Variants in AIFM2 observed in about 807,000 individuals in gnomAD.
AIFM2 encodes the protein AIF family member 2, ferroptosis suppressor.
AIFM2 carries 38 observed loss-of-function variants against 35.7 expected under a neutral mutation model. The observed-to-expected ratio is 1.06, with a 90% CI of 0.82 to 1.39. AIFM2 has a LOEUF of 1.39. Among genes scored for constraint, AIFM2 ranks in the 40% most tolerant of loss-of-function variants. The pLI is 0.00. For synonymous variants in AIFM2, 185 were observed against 203.5 expected (o/e 0.91, Z 0.77); for missense variants, 476 against 491.2 (o/e 0.97, Z 0.29).
intron 3 of AIFM2, 53 bp from the exon 4 acceptor site, chr10:70,121,264 G>C (rs2072502284): frequency 2.1e-6 from 3 of 1,462,782 alleles, no homozygotes; most frequent in Non-Finnish European, 2.7e-6. Context: ...ATGAGGGTAG[G>C]GCAGGGCAGG....
At chr10:70,123,615 A>G in intron 2 of AIFM2, 95 bp from the exon 3 acceptor site, 1 of 1,163,912 alleles carries the variant, frequency 8.6e-7, no homozygotes, top group Non-Finnish European at 1.3e-6. Context: ...GCAAACCAAC[A>G]GGGGTGCCCT....
intron 5 of AIFM2, among the ~76,000 whole-genome samples, chr10:70,119,960 G>A (rs2072480183): frequency 6.6e-6 from 1 of 152,220 alleles, no homozygotes; most frequent in African/African-American, 2.4e-5. Context: ...CCACCCATGG[G>A]CAGAAGGCAG....
intron 1 of AIFM2, among the ~76,000 whole-genome samples, chr10:70,128,600 T>G (rs2072593943): frequency 6.6e-6 from 1 of 152,220 alleles, no homozygotes; most frequent in South Asian, 2.1e-4. Flanking sequence ...TGACCTCAAG[T>G]GATCGGCCTG....
chr10:70,114,704 C>T (rs968778438), intron 8 of AIFM2: 1 of 590,830 alleles, frequency 1.7e-6, no homozygotes, highest in Non-Finnish European at 2.9e-6. Context: ...GAACTCCCGA[C>T]CTCAGGTGAT....
At chr10:70,115,795 G>A (rs1046266754) in intron 7 of AIFM2, among the ~76,000 whole-genome samples, 13 of 152,118 alleles carry the variant, frequency 8.5e-5, no homozygotes, top group African/African-American at 3.1e-4. Context: ...CAAAACTGAA[G>A]CATTAAAAAT....
chr10:70,120,383 A>G (rs540018087), intron 5 of AIFM2, 124 bp downstream of exon 5: 9 of 977,812 alleles, frequency 9.2e-6, no homozygotes, highest in Admixed American at 1.8e-5. Context: ...ACAGAAATAC[A>G]CACTCCCAGT....
chr10:70,122,847 C>T (rs965775715), intron 3 of AIFM2, among the ~76,000 whole-genome samples: 9 of 152,142 alleles, frequency 5.9e-5, no homozygotes, highest in Non-Finnish European at 4.4e-5. Flanking sequence ...CATAGAGGCA[C>T]GGTAAACATT....
intron 5 of AIFM2, among the ~76,000 whole-genome samples, chr10:70,119,065 G>T (rs752144562): frequency 1.3e-5 from 2 of 152,128 alleles, no homozygotes; most frequent in African/African-American, 2.4e-5. Context: ...CTAAAGTACA[G>T]GGTTCAGAGA....
chr10:70,115,172 G>A, intron 7 of AIFM2, 52 bp from the exon 8 acceptor site: 5 of 1,587,868 alleles, frequency 3.1e-6, no homozygotes, highest in Non-Finnish European at 4.3e-6. Context: ...TGTGTTAAGT[G>A]GCCACCAGGA....
chr10:70,119,802 G>A (rs1278165401), intron 5 of AIFM2, among the ~76,000 whole-genome samples: 1 of 152,232 alleles, frequency 6.6e-6, no homozygotes, highest in South Asian at 2.1e-4. Context: ...CTCTCGCCTA[G>A]AGGACCTGTA....
In AIFM2 at chr10:70,113,952, G is replaced by T; in HGVS notation, c.*226C>A. On this transcript the variant is annotated 3_prime_UTR_variant, in exon 9 of 9. Transcript: ENST00000307864. ...CATGAGCCGCTCACCCAGTACCACAGCAAGCACACCTTCCAAACCCAGAAA... is the reference window on the plus strand; with the variant it reads ...CATGAGCCGCTCACCCAGTACCACATCAAGCACACCTTCCAAACCCAGAAA... 1 of 557,588 alleles carries T rather than the reference G, an allele frequency of 1.8e-6. No individual in the cohort carries two copies. Among genetic ancestry groups the T allele is most frequent in the Non-Finnish European group, 3.0e-6 (1 of 328,170 alleles). 34.5% of individuals were successfully genotyped at this position (557,588 alleles called of 1,614,324 possible).
chr10:70,120,640 A>G, intron 4 of AIFM2, 41 bp from the exon 5 acceptor site: 1 of 1,600,912 alleles, frequency 6.2e-7, no homozygotes, highest in South Asian at 1.1e-5. Context: ...TATGAAACAC[A>G]CCTACACATC....
chr10:70,123,490 G>A lies in AIFM2; in HGVS notation c.209C>T (p.Ser70Leu), dbSNP rs1038874035. The change falls in exon 3 of 9, where the codon TCG becomes TTG. Residue 70 changes from serine (S) to leucine (L), a missense_variant. By Grantham distance (145) the Ser-to-Leu change is moderately radical. Coordinates refer to ENST00000307864, the MANE Select transcript of AIFM2 (RefSeq NM_032797.6). ...CCGGAAGTTGTCCTTGAAAGTCACC[G>A]AGTAAGAAATGAATGTCTTTTTGGC... The part of the protein sequence containing the change: ...GFAKKTFISY[S>L]VTFKDNFRQG... 19 of 1,614,042 alleles carry A rather than the reference G, an allele frequency of 1.2e-5. No homozygotes were observed. Among genetic ancestry groups the A allele is most frequent in the Admixed American group, 5.0e-5 (3 of 60,008 alleles).
Position 70,114,311 on chromosome 10 carries a change from A to C in AIFM2, c.989T>G (p.Leu330Arg). The change falls in exon 9 of 9, where the codon CTG becomes CGG. Residue 330 changes from leucine to arginine, a missense_variant. Coordinates refer to ENST00000307864, the MANE Select transcript of AIFM2 (RefSeq NM_032797.6). ...CACACCGTCATTTCTCCCCATGGAC[A>C]GGAGGAACGTCAGTGCACCTGCAAG... is the stretch of plus-strand genomic sequence containing the variant. ...AYKPGALTFL[L>R]SMGRNDGVGQ... is the part of the protein sequence containing the mutation. 6.2e-7 allele frequency: 1 copy of C among 1,613,996 alleles called. No individual in the cohort carries two copies. Among genetic ancestry groups the C allele is most frequent in the Non-Finnish European group, 8.5e-7 (1 of 1,179,994 alleles).
rs2072397152 is a variant in AIFM2 at position 70,113,167 on chromosome 10, C to G, written c.*1011G>C. 1 of 152,230 alleles carries G rather than the reference C, an allele frequency of 6.6e-6. No homozygotes were observed. Among genetic ancestry groups the G allele is most frequent in the African/African-American group, 2.4e-5 (1 of 41,456 alleles). The allele number at this position is 152,230 out of a possible 1,614,324, so 9.4% of individuals were successfully genotyped here. On this transcript the variant is annotated 3_prime_UTR_variant, in exon 9 of 9. Transcript: ENST00000307864. ...ATGCACTCTGTCAGGGTGGGGTAAC[C>G]AGAAGAGCACATTTATCTAGCTCTT...
intron 7 of AIFM2, 24 bp from the exon 8 acceptor site, chr10:70,115,144 A>G (rs779196705): frequency 1.2e-6 from 2 of 1,611,436 alleles, no homozygotes; most frequent in East Asian, 4.5e-5. Flanking sequence ...TGACACCGAA[A>G]CCAAGACACT....
chr10:70,122,777 T>A (rs1481967957), intron 3 of AIFM2, among the ~76,000 whole-genome samples: 2 of 152,194 alleles, frequency 1.3e-5, no homozygotes, highest in Non-Finnish European at 2.9e-5. Flanking sequence ...AGCTGTGGGA[T>A]CTTAAGCAAG....
intron 7 of AIFM2, among the ~76,000 whole-genome samples, 186 bp from the exon 8 acceptor site, chr10:70,115,306 T>C (rs1554823716): frequency 6.7e-6 from 1 of 149,470 alleles, no homozygotes; most frequent in Non-Finnish European, 1.5e-5. Flanking sequence ...TATTCCCCCC[T>C]GAAGTCTCTA....
chr10:70,125,119 GACTTCCCA>G (rs746980441), intron 1 of AIFM2, among the ~76,000 whole-genome samples: 38 of 152,070 alleles, frequency 2.5e-4, no homozygotes, highest in Non-Finnish European at 4.6e-4. Flanking sequence ...CTTGATCTTG[GACTTCCCA>G]GCCTCCAGAA....
Sources: allele counts gnomAD v4.1 joint callset (sites outside exome capture counted in the v4.1 genomes callset), GRCh38; gene constraint gnomAD v4.1.1; transcripts MANE v1.5; gene names NCBI Gene and HGNC (gene_info 2026-07-23, HGNC 2026-07-21).